LRP10: variants seen among roughly 807,000 people sequenced by gnomAD.
The protein encoded by LRP10 is LDL receptor related protein 10.
A neutral mutation model predicts 58.5 loss-of-function variants in LRP10; 42 were observed. That is an observed-to-expected ratio of 0.72 (90% CI 0.56 to 0.93). The LOEUF is 0.93. LRP10 is among the 40% of genes least tolerant of loss of function. The probability of loss-of-function intolerance (pLI) is 0.00; values close to 1 mark genes in which losing one functional copy is unlikely to be tolerated. For synonymous variants in LRP10, 377 were observed against 388.5 expected (o/e 0.97, Z 0.35); for missense variants, 872 against 940.1 (o/e 0.93, Z 0.95).
Position 22,877,148 on chromosome 14 carries a change from C to A in LRP10, c.1763C>A (p.Pro588His), listed in dbSNP as rs761097738. The change falls in exon 7 of 7, where the codon CCC (proline) becomes CAC (histidine). Residue 588 changes from proline to histidine, a missense_variant. Transcript: ENST00000359591. The surrounding 1 kb of genome is among the most constrained non-coding windows in gnomAD (Gnocchi z 5.1). ...ARSQVTPSAAPLEALDGGTGP... is the reference protein window; with the variant it reads ...ARSQVTPSAAHLEALDGGTGP... ...TCCCAGGTCACACCTTCTGCTGCTC[C>A]CCTTGAGGCCCTAGATGGTGGCACA... is the stretch of plus-strand genomic sequence containing the variant. The A allele has an allele frequency of 6.2e-7, 1 of 1,607,896 alleles. No homozygotes were observed.
In LRP10 at chr14:22,879,463, T is replaced by G; in HGVS notation, c.*1936T>G. The G allele has an allele frequency of 3.8e-6, 1 of 261,942 alleles. No individual in the cohort carries two copies. Among genetic ancestry groups the G allele is most frequent in the South Asian group, 3.6e-5 (1 of 27,654 alleles). 16.2% of individuals were successfully genotyped at this position (261,942 alleles called of 1,614,324 possible). ...TGATTTTCCCTCCCCTGCCTCTCCATAGCCTGGTCTTTTGCCCTCTCCTTT... is the reference window on the plus strand; with the variant it reads ...TGATTTTCCCTCCCCTGCCTCTCCAGAGCCTGGTCTTTTGCCCTCTCCTTT... On this transcript the variant is annotated 3_prime_UTR_variant, in exon 7 of 7. Transcript: ENST00000359591.
In LRP10 at chr14:22,875,356, T is replaced by C. The variant is rs772332284; in HGVS notation, c.408T>C (p.Asp136=). The change falls in exon 5 of 7, where the codon GAT becomes GAC. Residue 136 remains aspartate (D), a splice_region_variant and synonymous_variant. Coordinates refer to ENST00000359591, the MANE Select transcript of LRP10 (RefSeq NM_014045.5). ...GQGFLLSYSQ[D]WLMCLQEEFQ... is the part of the protein sequence containing the mutation. ...CCCCTCTCCATGGTGCCTCTGCAGA[T>C]TGGCTGATGTGCCTGCAGGAAGAGT... The C allele has an allele frequency of 3.7e-6, 6 of 1,610,160 alleles. No homozygotes were observed. In the African/African-American group the frequency reaches 4.0e-5, roughly 11 times the overall value.
intron 1 of LRP10, 121 bp downstream of exon 1, chr14:22,872,458 C>A (rs1418897494): frequency 3.4e-6 from 4 of 1,165,634 alleles, no homozygotes; most frequent in Non-Finnish European, 5.0e-6. Context: ...CTGCCGCCAG[C>A]CCCAGCACTG....
intron 5 of LRP10, 101 bp downstream of exon 5, chr14:22,876,473 C>T (rs2040007749): frequency 7.0e-7 from 1 of 1,432,746 alleles, no homozygotes; most frequent in African/African-American, 1.4e-5. Context: ...TGGGGAGAGG[C>T]TCCCATGATC....
In LRP10 at chr14:22,881,088, A is replaced by G. The variant is rs2040056896; in HGVS notation, c.*3561A>G. The G allele has an allele frequency of 6.6e-6, 1 of 152,216 alleles. No homozygotes were observed. Among genetic ancestry groups the G allele is most frequent in the African/African-American group, 2.4e-5 (1 of 41,464 alleles). 9.4% of individuals were successfully genotyped at this position (152,216 alleles called of 1,614,324 possible). ...CACACAACAGGGCTGGGCCATGGGC[A>G]TCATAAACCCCATTTTGCAAGCTCA... On this transcript the variant is annotated 3_prime_UTR_variant, in exon 7 of 7. Transcript: ENST00000359591.
rs540269444 is a variant in LRP10 at position 22,881,193 on chromosome 14, A to G, written c.*3666A>G. The G allele has an allele frequency of 6.6e-6, 1 of 152,152 alleles. No homozygotes were observed. The highest frequency in any genetic ancestry group is 1.5e-5 in the Non-Finnish European group (1 of 68,032). 9.4% of individuals were successfully genotyped at this position (152,152 alleles called of 1,614,324 possible). A position where few individuals can be genotyped will look rare whatever the true frequency, so the allele number is the denominator to read the frequency against. ...TTAGAGCCGGCATGGCTTCGTTCCA[A>G]ATCTCACCCTTGTCCCACCATTCCA... On this transcript the variant is annotated 3_prime_UTR_variant, in exon 7 of 7. Transcript: ENST00000359591.
Position 22,872,750 on chromosome 14 carries a change from C to T in LRP10, c.47C>T (p.Ala16Val), listed in dbSNP as rs777403738. ...GTTCCTCCTCTAGGAGGCGCTCTGG[C>T]CCATCCAGACCGGATTATTTTTCCA... ...LLLLLLGGAL[A>V]HPDRIIFPNH... Residue 16 changes from alanine (A) to valine (V), a missense_variant, in exon 2 of 7, where the codon GCC (alanine) becomes GTC (valine). Transcript: ENST00000359591. The T allele has an allele frequency of 6.2e-7, 1 of 1,614,150 alleles. No homozygotes were observed. The highest frequency in any genetic ancestry group is 8.5e-7 in the Non-Finnish European group (1 of 1,180,024).
intron 5 of LRP10, 143 bp from the exon 6 acceptor site, chr14:22,876,546 G>C: frequency 2.2e-6 from 3 of 1,333,936 alleles, no homozygotes; most frequent in Non-Finnish European, 3.1e-6. Context: ...CAAGGGAGGA[G>C]GGACCTCAGA....
chr14:22,876,320 A>G lies in LRP10; in HGVS notation c.1372A>G (p.Ile458Val). Residue 458 changes from isoleucine to valine, a missense_variant, in exon 5 of 7, where the codon ATC becomes GTC. Transcript: ENST00000359591. ...GSLVCGLLLV[I>V]ALGCTCKLYA... ...CCTAGTGTGCGGCCTGCTCCTGGTCATCGCCCTGGGCTGCACCTGCAAGCT... is the reference window on the plus strand; with the variant it reads ...CCTAGTGTGCGGCCTGCTCCTGGTCGTCGCCCTGGGCTGCACCTGCAAGCT... The G allele has an allele frequency of 6.2e-7, 1 of 1,614,080 alleles. No individual in the cohort carries two copies. The highest frequency in any genetic ancestry group is 8.5e-7 in the Non-Finnish European group (1 of 1,180,032).
chr14:22,873,874 A>G (rs2039979341), intron 3 of LRP10, among the ~76,000 whole-genome samples: 1 of 152,200 alleles, frequency 6.6e-6, no homozygotes, highest in African/African-American at 2.4e-5. Context: ...GTCAACAGGT[A>G]AAGAGTAGAA....
chr14:22,876,358 C>T lies in LRP10; in HGVS notation c.1410C>T (p.Arg470=). The T allele has an allele frequency of 1.2e-6, 2 of 1,613,850 alleles. No individual in the cohort carries two copies. Among genetic ancestry groups the T allele is most frequent in the Non-Finnish European group, 1.7e-6 (2 of 1,179,928 alleles). The part of the protein sequence containing the change: ...LGCTCKLYAI[R]TQEYSIFAPL... ...GCACCTGCAAGCTCTATGCCATTCG[C>T]ACCCAGGAGTACAGGTCAGTGGGAG... The change falls in exon 5 of 7, where the codon CGC becomes CGT. Residue 470 remains arginine, a synonymous_variant. Coordinates refer to ENST00000359591, the MANE Select transcript of LRP10 (RefSeq NM_014045.5).
Position 22,875,929 on chromosome 14 carries a change from AG to A in LRP10, c.983del (p.Gly328ValfsTer123), listed in dbSNP as rs753569222. ...CTGGCCTGGGAGCTGGCGAAGGCCT[AG>A]GTGAGCGCTGCTACAGTGAGGCACA... ...GSGLGAGEGL[G>X]ERCYSEAQRC... is the part of the protein sequence containing the mutation. On this transcript the variant is annotated frameshift_variant, in exon 5 of 7. Transcript: ENST00000359591. LOFTEE classifies it high-confidence loss of function. The A allele has an allele frequency of 6.2e-7, 1 of 1,613,550 alleles. No individual in the cohort carries two copies. Among genetic ancestry groups the A allele is most frequent in the African/African-American group, 1.3e-5 (1 of 74,934 alleles).
rs567402874 is a variant in LRP10 at position 22,880,587 on chromosome 14, A to G, written c.*3060A>G. 4.6e-5 allele frequency: 7 copies of G among 152,142 alleles called. No homozygotes were observed. The East Asian group carries it at 9.7e-4, about 21-fold the overall frequency. The allele number at this position is 152,142 out of a possible 1,614,324, so 9.4% of individuals were successfully genotyped here. On this transcript the variant is annotated 3_prime_UTR_variant, in exon 7 of 7. Transcript: ENST00000359591. ...TTAGCCAGTCTCACAACCTGGTCTC[A>G]AAATAAATAAATAGATTTAAAAAAA... is the stretch of plus-strand genomic sequence containing the variant.
Position 22,872,208 on chromosome 14 carries a change from G to A in LRP10, c.-96G>A, listed in dbSNP as rs903850532. 1.1e-5 allele frequency: 14 copies of A among 1,293,732 alleles called. No individual in the cohort carries two copies. Among genetic ancestry groups the A allele is most frequent in the Non-Finnish European group, 1.6e-5 (14 of 889,096 alleles). The allele number at this position is 1,293,732 out of a possible 1,614,324, so 80.1% of individuals were successfully genotyped here. A position where few individuals can be genotyped will look rare whatever the true frequency, so the allele number is the denominator to read the frequency against. On this transcript the variant is annotated 5_prime_UTR_variant, in exon 1 of 7. Transcript: ENST00000359591. Reference sequence around the variant, plus strand: ...GCCATGGAGCCCCCCTGGGGAGGCGGCACCAGGGAGCCTGGGCGCCCGGGG... The same window carrying A: ...GCCATGGAGCCCCCCTGGGGAGGCGACACCAGGGAGCCTGGGCGCCCGGGG...
Position 22,875,112 on chromosome 14 carries a change from C to T in LRP10, c.273C>T (p.Leu91=). ...AGCGCTTAACCCTACGCTCCCCTCT[C>T]CAGCCACTGATCTCCCTGTGTGAGG... ...GSERLTLRSP[L]QPLISLCEAP... The change falls in exon 4 of 7, where the codon CTC becomes CTT. Residue 91 remains leucine (L), a synonymous_variant. Transcript: ENST00000359591. 1.2e-6 allele frequency: 2 copies of T among 1,612,652 alleles called. No individual in the cohort carries two copies. The highest frequency in any genetic ancestry group is 1.7e-6 in the Non-Finnish European group (2 of 1,179,332).
At position 22,881,018 on chromosome 14, in the gene LRP10, G is replaced by T. The variant is rs1430365502; in HGVS notation, c.*3491G>T. ...ACAAGACTCCATCTCAAAAAAAAAA[G>T]TGAGTGCCCGATGATGCCAGATTCT... On this transcript the variant is annotated 3_prime_UTR_variant, in exon 7 of 7. Transcript: ENST00000359591. 6.6e-6 allele frequency: 1 copy of T among 151,972 alleles called. No homozygotes were observed. The highest frequency in any genetic ancestry group is 1.5e-5 in the Non-Finnish European group (1 of 68,002). The allele number at this position is 151,972 out of a possible 1,614,324, so 9.4% of individuals were successfully genotyped here.
chr14:22,880,489 C>G lies in LRP10; in HGVS notation c.*2962C>G, dbSNP rs2040051127. On this transcript the variant is annotated 3_prime_UTR_variant, in exon 7 of 7. Coordinates refer to ENST00000359591, the MANE Select transcript of LRP10 (RefSeq NM_014045.5). ...TTTGGAGGGGCCAAGGCAGGCGGAT[C>G]GCTTGAGGCCAAGAGTTCAAGAACA... The G allele has an allele frequency of 6.6e-6, 1 of 151,704 alleles. No homozygotes were observed. Among genetic ancestry groups the G allele is most frequent in the African/African-American group, 2.4e-5 (1 of 41,190 alleles). The allele number at this position is 151,704 out of a possible 1,614,324, so 9.4% of individuals were successfully genotyped here.
chr14:22,878,181 C>T lies in LRP10; in HGVS notation c.*654C>T, dbSNP rs1415885341. ...TCCCTGTGGAGCCCTTTGCTTGGCCCTCTACCTCCTGCCCTCTTCCTGTTC... is the reference window on the plus strand; with the variant it reads ...TCCCTGTGGAGCCCTTTGCTTGGCCTTCTACCTCCTGCCCTCTTCCTGTTC... On this transcript the variant is annotated 3_prime_UTR_variant, in exon 7 of 7. Coordinates refer to ENST00000359591, the MANE Select transcript of LRP10 (RefSeq NM_014045.5). The T allele has an allele frequency of 6.6e-6, 1 of 152,370 alleles. No individual in the cohort carries two copies. Among genetic ancestry groups the T allele is most frequent in the Non-Finnish European group, 1.5e-5 (1 of 68,146 alleles). 9.4% of individuals were successfully genotyped at this position (152,370 alleles called of 1,614,324 possible).
chr14:22,876,584 T>C, intron 5 of LRP10, 105 bp from the exon 6 acceptor site: 5 of 1,495,284 alleles, frequency 3.3e-6, no homozygotes, highest in Non-Finnish European at 4.5e-6. Flanking sequence ...ATGGCACAGC[T>C]CCAGCTGGCC....
Sources: allele counts gnomAD v4.1 joint callset (sites outside exome capture counted in the v4.1 genomes callset), GRCh38; gene constraint gnomAD v4.1.1; non-coding constraint Gnocchi (gnomAD v3.1); transcripts MANE v1.5; gene names NCBI Gene and HGNC (gene_info 2026-07-23, HGNC 2026-07-21).